The following SLC71A2 variants were observed in gnomAD, a reference collection of about 807,000 sequenced individuals.
The protein encoded by SLC71A2 is solute carrier family 71 member 2.
chr9:94,453,927 G>T, the SLC71A2 span: 1 of 1,420,292 alleles, frequency 7.0e-7, no homozygotes, highest in Non-Finnish European at 1.0e-6. Flanking sequence ...TGTTGATGTG[G>T]TTTTTCAGAG....
the SLC71A2 span, among the ~76,000 whole-genome samples, chr9:94,404,098 T>C: frequency 6.6e-6 from 1 of 152,168 alleles, no homozygotes; most frequent in African/African-American, 2.4e-5. Flanking sequence ...GCTAATACCT[T>C]GTTTTGGACT....
At chr9:94,457,375 A>AT in the SLC71A2 span, among the ~76,000 whole-genome samples, 907 of 141,098 alleles carry the variant, frequency 6.4e-3, 7 homozygotes, top group African/African-American at 0.022. Context: ...AGGGAGAAAA[A>AT]TTTTTTAATG....
chr9:94,452,533 G>T, the SLC71A2 span, among the ~76,000 whole-genome samples: 2 of 151,778 alleles, frequency 1.3e-5, no homozygotes, highest in South Asian at 4.2e-4. Flanking sequence ...GGAAGTGGAG[G>T]TTGCTGGGAG....
chr9:94,388,042 T>G, the SLC71A2 span, among the ~76,000 whole-genome samples: 1 of 152,238 alleles, frequency 6.6e-6, no homozygotes, highest in Admixed American at 6.5e-5. Context: ...TTAATGAAAG[T>G]ATCTTTTGCA....
chr9:94,389,860 G>A, the SLC71A2 span, among the ~76,000 whole-genome samples: 7 of 151,786 alleles, frequency 4.6e-5, no homozygotes, highest in African/African-American at 1.4e-4. Context: ...CTCCCACCTC[G>A]GCCTCCCAAA....
the SLC71A2 span, among the ~76,000 whole-genome samples, chr9:94,426,363 G>A: frequency 6.6e-6 from 1 of 151,996 alleles, no homozygotes; most frequent in African/African-American, 2.4e-5. Context: ...TTCATTTATG[G>A]CTATTTTTTC....
chr9:94,418,048 C>T, the SLC71A2 span, among the ~76,000 whole-genome samples: 885 of 151,708 alleles, frequency 5.8e-3, 5 homozygotes, highest in African/African-American at 0.02. Flanking sequence ...GTAGAGACGA[C>T]GGGAGGGTTT....
chr9:94,382,648 A>G, the SLC71A2 span, among the ~76,000 whole-genome samples: 1 of 151,500 alleles, frequency 6.6e-6, no homozygotes, highest in Non-Finnish European at 1.5e-5. Context: ...AAATCATAGG[A>G]ATTTCCTTCT....
the SLC71A2 span, among the ~76,000 whole-genome samples, chr9:94,386,001 A>G: frequency 6.6e-6 from 1 of 152,078 alleles, no homozygotes; most frequent in Admixed American, 6.6e-5. Context: ...CATTTCTGCA[A>G]GAAAGTCTTT....
the SLC71A2 span, among the ~76,000 whole-genome samples, chr9:94,420,968 C>G: frequency 1.3e-5 from 2 of 152,044 alleles, no homozygotes; most frequent in African/African-American, 2.4e-5. Context: ...TAGAGGGTTC[C>G]TATATTTCTG....
At chr9:94,402,286 A>G in the SLC71A2 span, among the ~76,000 whole-genome samples, 3 of 152,362 alleles carry the variant, frequency 2.0e-5, no homozygotes, top group Admixed American at 6.5e-5. Flanking sequence ...ACATACAGTT[A>G]AAGTATTCCA....
the SLC71A2 span, among the ~76,000 whole-genome samples, chr9:94,430,543 G>A: frequency 6.6e-6 from 1 of 152,052 alleles, no homozygotes; most frequent in African/African-American, 2.4e-5. Flanking sequence ...TTTTAGTAGT[G>A]GTGTTTCCAG....
the SLC71A2 span, among the ~76,000 whole-genome samples, chr9:94,431,343 T>C: frequency 6.6e-6 from 1 of 151,850 alleles, no homozygotes; most frequent in African/African-American, 2.4e-5. Context: ...GCCCTAGTAA[T>C]GTGCTGAATT....
chr9:94,421,855 G>T, the SLC71A2 span, among the ~76,000 whole-genome samples: 1 of 152,000 alleles, frequency 6.6e-6, no homozygotes, highest in African/African-American at 2.4e-5. Flanking sequence ...TGGACTCCTA[G>T]GCTTTTGTGA....
the SLC71A2 span, among the ~76,000 whole-genome samples, chr9:94,457,167 T>C: frequency 2.0e-5 from 3 of 152,090 alleles, no homozygotes; most frequent in African/African-American, 2.4e-5. Flanking sequence ...GGTTTCGCCA[T>C]GTTGCCCAGC....
chr9:94,379,948 A>G, the SLC71A2 span, among the ~76,000 whole-genome samples: 4 of 152,144 alleles, frequency 2.6e-5, no homozygotes, highest in Non-Finnish European at 1.5e-5. Context: ...AACATGCTTT[A>G]TTACCCTATG....
chr9:94,442,750 T>A, the SLC71A2 span, among the ~76,000 whole-genome samples: 1 of 151,558 alleles, frequency 6.6e-6, no homozygotes, highest in Non-Finnish European at 1.5e-5. Context: ...CCTGGGAGGC[T>A]GAGGCAGGAG....
chr9:94,405,821 T>C, the SLC71A2 span, among the ~76,000 whole-genome samples: 4 of 151,808 alleles, frequency 2.6e-5, no homozygotes, highest in Admixed American at 2.0e-4. Flanking sequence ...TTTTCTCTTC[T>C]TGCAAAAAGC....
At chr9:94,416,854 C>CA in the SLC71A2 span, among the ~76,000 whole-genome samples, 92 of 131,920 alleles carry the variant, frequency 7.0e-4, no homozygotes, top group Middle Eastern at 4.1e-3. Context: ...AACTCCATCT[C>CA]AAAAAAAAAA....
Sources: gnomAD v4.1 joint callset for allele counts (sites outside exome capture counted in the v4.1 genomes callset) on GRCh38, gnomAD v4.1.1 for gene constraint, MANE v1.5 for transcripts, NCBI Gene and HGNC (gene_info 2026-07-23, HGNC 2026-07-21) for gene names.